PRKCB: variants seen among roughly 807,000 people sequenced by gnomAD.
PRKCB encodes the protein protein kinase C beta, also known as protein kinase C beta type.
PRKCB carries 13 observed loss-of-function variants against 81.5 expected under a neutral mutation model. The observed-to-expected ratio is 0.16, with a 90% CI of 0.10 to 0.25. The LOEUF (loss-of-function observed/expected upper bound fraction) is 0.25. Ranked by LOEUF, PRKCB falls within the 10% of genes least tolerant of loss-of-function variation. The pLI is 1.00. For synonymous variants in PRKCB, 335 were observed against 321.4 expected, an observed-to-expected ratio of 1.04 and a Z score of -0.45; for missense variants, 509 against 875.7, an observed-to-expected ratio of 0.58 and a Z score of 5.29.
chr16:24,014,053 C>T (rs1965241751), intron 3 of PRKCB, among the ~76,000 whole-genome samples: 1 of 152,202 alleles, frequency 6.6e-6, no homozygotes, highest in African/African-American at 2.4e-5. Flanking sequence ...GATCTTTCTG[C>T]TCTTCTGAAA....
At chr16:23,851,572 T>C (rs895432361) in intron 2 of PRKCB, among the ~76,000 whole-genome samples, 7 of 152,232 alleles carry the variant, frequency 4.6e-5, no homozygotes, top group African/African-American at 1.7e-4. Context: ...TTGGGGTCTT[T>C]TGTGGTCCCA....
In PRKCB at chr16:24,037,861, T is replaced by TA. The variant is rs10718229; in HGVS notation, c.529+2329dup. ...ACTGGGTGGCTTAAGACAAGACGTT[T>TA]AAAAAAAAAAAAAAAGAAACGAAAA... On this transcript the variant is annotated intron_variant, in intron 5 of 16. Coordinates refer to ENST00000643927, the MANE Select transcript of PRKCB (RefSeq NM_002738.7). 3.2e-3 allele frequency among the ~76,000 whole-genome samples: 414 copies of TA among 130,934 alleles called. 1 individual carries two copies. Among genetic ancestry groups the TA allele is most frequent in the African/African-American group, 8.5e-3 (297 of 34,956 alleles). 85.9% of individuals were successfully genotyped at this position (130,934 alleles called of 152,430 possible). A position where few individuals can be genotyped will look rare whatever the true frequency, so the allele number is the denominator to read the frequency against.
At chr16:24,089,733 C>T (rs1966353260) in intron 5 of PRKCB, among the ~76,000 whole-genome samples, 1 of 152,020 alleles carries the variant, frequency 6.6e-6, no homozygotes, top group Non-Finnish European at 1.5e-5. Flanking sequence ...CATGATCATG[C>T]CACTGCACTC....
Position 24,123,879 on chromosome 16 carries a change from G to C in PRKCB, c.963G>C (p.Thr321=), listed in dbSNP as rs766756709. Residue 321 remains threonine (T), a synonymous_variant, in exon 9 of 17, where the codon ACG becomes ACC. Transcript: ENST00000643927. ...GAACCAAGGTCCCGGAAGAAAAGAC[G>C]ACCAACACTGTCTCCAAATTTGACA... is the stretch of plus-strand genomic sequence containing the variant. ...SQGTKVPEEK[T]TNTVSKFDNN... 1.2e-6 allele frequency: 2 copies of C among 1,614,122 alleles called. No homozygotes were observed.
Position 23,885,873 on chromosome 16 carries a change from A to G in PRKCB, c.205+48467A>G, listed in dbSNP as rs542435434. Among the ~76,000 whole-genome samples, 5 of 152,302 alleles carry G rather than the reference A, an allele frequency of 3.3e-5. No homozygotes were observed. In the South Asian group the frequency reaches 1.0e-3, roughly 32 times the overall value. ...GCCATCACCAGGTTGATCTTGTAGT[A>G]AGGTGGCCTTGGCCTTAGTGTATTT... is the stretch of plus-strand genomic sequence containing the variant. On this transcript the variant is annotated intron_variant, in intron 2 of 16. Coordinates refer to ENST00000643927, the MANE Select transcript of PRKCB (RefSeq NM_002738.7).
At chr16:23,987,496 A>G (rs1350364964) in intron 2 of PRKCB, among the ~76,000 whole-genome samples, 1 of 152,102 alleles carries the variant, frequency 6.6e-6, no homozygotes, top group Admixed American at 6.5e-5. Flanking sequence ...TTGCATCAAG[A>G]GACTTGAACC....
At position 23,997,897 on chromosome 16, in the gene PRKCB, T is replaced by C. The variant is rs1365392623; in HGVS notation, c.288+9307T>C. Among the ~76,000 whole-genome samples, 6 of 152,322 alleles carry C rather than the reference T, an allele frequency of 3.9e-5. No homozygotes were observed. In the East Asian group the frequency reaches 1.2e-3, roughly 29 times the overall value. On this transcript the variant is annotated intron_variant, in intron 3 of 16. Transcript: ENST00000643927. ...GATGCCAAGTTGAGAAAGGGTGGAC[T>C]TGTGATGGTTAATTTTGCACATGCA...
intron 10 of PRKCB, among the ~76,000 whole-genome samples, chr16:24,169,708 C>T (rs1442802055): frequency 6.6e-6 from 1 of 152,166 alleles, no homozygotes; most frequent in East Asian, 1.9e-4. Context: ...TACTCCCAAT[C>T]CTCCATACTT....
At chr16:24,010,202 T>C (rs2141836824) in intron 3 of PRKCB, among the ~76,000 whole-genome samples, 1 of 152,288 alleles carries the variant, frequency 6.6e-6, no homozygotes, top group African/African-American at 2.4e-5. Flanking sequence ...CATGTCCCAT[T>C]GGCCCATTGA....
chr16:24,154,656 GC>G (rs1967129504), intron 9 of PRKCB, 27 bp from the exon 10 acceptor site: 1 of 1,612,302 alleles, frequency 6.2e-7, no homozygotes, highest in Non-Finnish European at 8.5e-7. Flanking sequence ...CCTTCCAACT[GC>G]CCTGACATGC....
intron 3 of PRKCB, among the ~76,000 whole-genome samples, chr16:24,022,750 C>T: frequency 6.6e-6 from 1 of 152,236 alleles, no homozygotes; most frequent in Admixed American, 6.5e-5. Flanking sequence ...GCCTCGGACT[C>T]CCAAAGTGCT....
intron 5 of PRKCB, among the ~76,000 whole-genome samples, chr16:24,059,811 A>C (rs1293517203): frequency 2.6e-5 from 4 of 152,218 alleles, no homozygotes; most frequent in Non-Finnish European, 4.4e-5. Flanking sequence ...GCCAACTGGT[A>C]ATGATAAACA....
chr16:23,904,136 C>CT (rs1567308477), intron 2 of PRKCB, among the ~76,000 whole-genome samples: 1 of 152,138 alleles, frequency 6.6e-6, no homozygotes, highest in South Asian at 2.1e-4. Context: ...GGGGGTGTGT[C>CT]TACCTTGTTC....
intron 2 of PRKCB, among the ~76,000 whole-genome samples, chr16:23,883,212 A>C (rs1245065622): frequency 2.0e-5 from 3 of 152,198 alleles, no homozygotes; most frequent in Non-Finnish European, 4.4e-5. Context: ...CTGAATCAGG[A>C]TTTGACAACA....
intron 9 of PRKCB, among the ~76,000 whole-genome samples, chr16:24,148,039 C>CTACATCTCAGAGAGATGGGAGT: frequency 6.6e-6 from 1 of 152,098 alleles, no homozygotes; most frequent in Non-Finnish European, 1.5e-5. Context: ...CAATTGTCTG[C>CTACATCTCAGAGAGATGGGAGT]TACATCTCAG....
intron 5 of PRKCB, among the ~76,000 whole-genome samples, chr16:24,043,278 T>C (rs988991186): frequency 3.9e-5 from 6 of 152,182 alleles, no homozygotes; most frequent in African/African-American, 1.4e-4. Context: ...TTGTTCAATT[T>C]TTTTTGTTTG....
intron 10 of PRKCB, among the ~76,000 whole-genome samples, chr16:24,164,312 C>G (rs1424235435): frequency 7.9e-5 from 12 of 152,126 alleles, no homozygotes. Flanking sequence ...TACTCATGTT[C>G]CAAATTTGGG....
chr16:24,010,160 G>A (rs902917525), intron 3 of PRKCB, among the ~76,000 whole-genome samples: 4 of 152,178 alleles, frequency 2.6e-5, no homozygotes, highest in Non-Finnish European at 4.4e-5. Context: ...GGCCAGGCAG[G>A]TGGGTGAATG....
intron 12 of PRKCB, among the ~76,000 whole-genome samples, chr16:24,179,606 A>G (rs1035170615): frequency 1.3e-5 from 2 of 152,204 alleles, no homozygotes; most frequent in Non-Finnish European, 2.9e-5. Flanking sequence ...AAGACCTACA[A>G]CTGTTCCCCA....
Sources: gnomAD v4.1 joint callset for allele counts (sites outside exome capture counted in the v4.1 genomes callset) on GRCh38, gnomAD v4.1.1 for gene constraint, MANE v1.5 for transcripts, NCBI Gene and HGNC (gene_info 2026-07-23, HGNC 2026-07-21) for gene names.